Variants in FIGN observed in about 807,000 individuals in gnomAD.
The protein encoded by FIGN is fidgetin, microtubule severing factor, also known as fidgetin.
Under a neutral mutation model 51.3 loss-of-function variants are expected in FIGN, and 11 were observed. The observed-to-expected ratio is 0.21, with a 90% CI of 0.13 to 0.35. FIGN has a LOEUF of 0.35. Among genes scored for constraint, FIGN ranks in the 10% least tolerant of loss-of-function variants. The pLI, the probability that FIGN is intolerant of heterozygous loss-of-function variation, is 1.00. For missense variants in FIGN, 857 were observed against 943.6 expected (o/e 0.91, Z 1.20); for synonymous variants, 407 against 363.2 (o/e 1.12, Z -1.37).
intron 2 of FIGN, among the ~76,000 whole-genome samples, chr2:163,627,762 GAAACAAAC>G (rs926308231): frequency 1.3e-5 from 2 of 151,984 alleles, no homozygotes; most frequent in Non-Finnish European, 2.9e-5. Context: ...ATATTTCCAT[GAAACAAAC>G]AAACAAGCAA....
chr2:163,692,726 A>C (rs1221545461), intron 2 of FIGN, among the ~76,000 whole-genome samples: 1 of 152,226 alleles, frequency 6.6e-6, no homozygotes, highest in Non-Finnish European at 1.5e-5. Context: ...AGATGTTAAA[A>C]AGAAAAAAAC....
chr2:163,708,721 G>A (rs1343728735), intron 2 of FIGN, among the ~76,000 whole-genome samples: 1 of 152,076 alleles, frequency 6.6e-6, no homozygotes, highest in Non-Finnish European at 1.5e-5. Context: ...GCTAGATGGG[G>A]GCAGGAGTGG....
chr2:163,710,911 C>T (rs1284185816), intron 2 of FIGN, among the ~76,000 whole-genome samples: 2 of 152,182 alleles, frequency 1.3e-5, no homozygotes, highest in Non-Finnish European at 2.9e-5. Context: ...TTCACCTGTA[C>T]ACAATGGCTT....
At chr2:163,649,252 T>A (rs1559008360) in intron 2 of FIGN, among the ~76,000 whole-genome samples, 1 of 152,216 alleles carries the variant, frequency 6.6e-6, no homozygotes, top group Admixed American at 6.5e-5. Flanking sequence ...TGGCCTCCAA[T>A]GAGCCATACT....
intron 2 of FIGN, among the ~76,000 whole-genome samples, chr2:163,651,333 A>C (rs997735857): frequency 2.0e-5 from 3 of 152,088 alleles, no homozygotes; most frequent in African/African-American, 7.2e-5. Context: ...GTGGTGGCAC[A>C]CACCTGTAGT....
intron 2 of FIGN, among the ~76,000 whole-genome samples, chr2:163,710,599 T>C (rs1465601108): frequency 6.6e-6 from 1 of 152,158 alleles, no homozygotes; most frequent in Non-Finnish European, 1.5e-5. Flanking sequence ...CAGAATTGAG[T>C]TCAGTTCTGT....
chr2:163,728,085 C>A (rs1559034747), intron 2 of FIGN, among the ~76,000 whole-genome samples: 1 of 152,080 alleles, frequency 6.6e-6, no homozygotes, highest in Non-Finnish European at 1.5e-5. Context: ...ACACAGCTGT[C>A]ACATGTTTAT....
chr2:163,714,465 A>G (rs1203847283), intron 2 of FIGN, among the ~76,000 whole-genome samples: 1 of 152,200 alleles, frequency 6.6e-6, no homozygotes, highest in Non-Finnish European at 1.5e-5. Context: ...AAGCAAACCA[A>G]TGAGCATATG....
intron 2 of FIGN, among the ~76,000 whole-genome samples, chr2:163,655,936 G>T (rs945228429): frequency 6.6e-6 from 1 of 152,108 alleles, no homozygotes; most frequent in African/African-American, 2.4e-5. Flanking sequence ...GACTGAGCTA[G>T]GGAGTCTTTC....
chr2:163,692,387 A>C (rs759976044), intron 2 of FIGN, among the ~76,000 whole-genome samples: 1 of 152,214 alleles, frequency 6.6e-6, no homozygotes, highest in Non-Finnish European at 1.5e-5. Flanking sequence ...ATATATAACA[A>C]TATGATATTA....
chr2:163,604,772 C>T lies in FIGN; in HGVS notation c.*4780G>A, dbSNP rs1204426402. On this transcript the variant is annotated 3_prime_UTR_variant, in exon 3 of 3. Coordinates refer to ENST00000333129, the MANE Select transcript of FIGN (RefSeq NM_018086.4). ...AGTGGAAACTCATACACACACACAC[C>T]CACATACAAGAGAGAGCGAGAGTTA... The T allele has an allele frequency of 6.7e-6, 1 of 148,150 alleles. No individual in the cohort carries two copies. The highest frequency in any genetic ancestry group is 6.8e-5 in the Admixed American group (1 of 14,780). The allele number at this position is 148,150 out of a possible 1,614,324, so 9.2% of individuals were successfully genotyped here.
At chr2:163,684,007 A>G (rs1374997532) in intron 2 of FIGN, among the ~76,000 whole-genome samples, 3 of 152,174 alleles carry the variant, frequency 2.0e-5, no homozygotes, top group Admixed American at 1.3e-4. Flanking sequence ...AAAGAAAACA[A>G]TCTCTGTGTT....
intron 2 of FIGN, among the ~76,000 whole-genome samples, chr2:163,716,699 G>A (rs1394347627): frequency 6.6e-6 from 1 of 152,060 alleles, no homozygotes; most frequent in South Asian, 2.1e-4. Flanking sequence ...TATATAAAAA[G>A]TAATCATATA....
chr2:163,667,338 C>A (rs201810654), intron 2 of FIGN, among the ~76,000 whole-genome samples: 178 of 127,348 alleles, frequency 1.4e-3, no homozygotes, highest in Middle Eastern at 8.5e-3. Flanking sequence ...ACTATCCCCA[C>A]AAAAAAAAAA....
At chr2:163,663,477 G>A (rs1204612131) in intron 2 of FIGN, among the ~76,000 whole-genome samples, 1 of 151,628 alleles carries the variant, frequency 6.6e-6, no homozygotes, top group Non-Finnish European at 1.5e-5. Context: ...TAGGAATACA[G>A]GTGCCCACCG....
In FIGN at chr2:163,733,619, A is replaced by G. The variant is rs375825722; in HGVS notation, c.25+1284T>C. The stretch of plus-strand genomic sequence containing the variant: ...TTCTCAGGGCAAATTATGTGCATCT[A>G]AAATAAACAGTCTTCTTATTGATCG... On this transcript the variant is annotated intron_variant, in intron 2 of 2. Coordinates refer to ENST00000333129, the MANE Select transcript of FIGN (RefSeq NM_018086.4). Among the ~76,000 whole-genome samples the G allele has an allele frequency of 3.9e-5, 6 of 152,344 alleles. No individual in the cohort carries two copies. In the South Asian group the frequency reaches 6.2e-4, roughly 16 times the overall value.
At chr2:163,627,316 A>G (rs1381423348) in intron 2 of FIGN, among the ~76,000 whole-genome samples, 1 of 152,166 alleles carries the variant, frequency 6.6e-6, no homozygotes, top group Non-Finnish European at 1.5e-5. Context: ...GAGAGTTGGT[A>G]GAATTTGCAA....
chr2:163,668,553 A>G (rs1430797476), intron 2 of FIGN, among the ~76,000 whole-genome samples: 3 of 152,250 alleles, frequency 2.0e-5, no homozygotes, highest in Non-Finnish European at 4.4e-5. Flanking sequence ...CCATCTCTTC[A>G]TAAGAAATCA....
rs1395106227 is a variant in FIGN at position 163,660,852 on chromosome 2, T to C, written c.26-49046A>G. On this transcript the variant is annotated intron_variant, in intron 2 of 2. Transcript: ENST00000333129. ...ATGTATACATATATACATATATATA[T>C]GTATACATATATATATATATATATA... Among the ~76,000 whole-genome samples the C allele has an allele frequency of 1.9e-4, 11 of 57,716 alleles. 2 individuals are homozygous for C. The highest frequency in any genetic ancestry group is 5.3e-4 in the Admixed American group (2 of 3,766). 37.9% of individuals were successfully genotyped at this position (57,716 alleles called of 152,430 possible).
Sources: allele counts gnomAD v4.1 joint callset (sites outside exome capture counted in the v4.1 genomes callset), GRCh38; gene constraint gnomAD v4.1.1; transcripts MANE v1.5; gene names NCBI Gene and HGNC (gene_info 2026-07-23, HGNC 2026-07-21).